MGAT5: variants seen among roughly 807,000 people sequenced by gnomAD.
MGAT5 encodes the protein alpha-1,6-mannosylglycoprotein 6-beta-N-acetylglucosaminyltransferase, also known as alpha-1,6-mannosylglycoprotein 6-beta-N-acetylglucosaminyltransferase A.
In MGAT5, 30 loss-of-function variants were observed where a neutral mutation model predicts 94.3. That is an observed-to-expected ratio of 0.32 (90% CI 0.24 to 0.43). The LOEUF (loss-of-function observed/expected upper bound fraction) is 0.43. Ranked by LOEUF, MGAT5 falls within the 20% of genes least tolerant of loss-of-function variation. The pLI is 1.00. For synonymous variants in MGAT5, 310 were observed against 322.9 expected (o/e 0.96, Z 0.43); for missense variants, 691 against 905.5 (o/e 0.76, Z 3.04).
chr2:134,335,688 T>A (rs1688294848), intron 4 of MGAT5, among the ~76,000 whole-genome samples: 2 of 152,034 alleles, frequency 1.3e-5, no homozygotes, highest in Admixed American at 6.6e-5. Context: ...AGCAAATAGC[T>A]AGAAAATGAG....
chr2:134,163,703 T>C (rs1308113295), intron 1 of MGAT5, among the ~76,000 whole-genome samples: 1 of 152,182 alleles, frequency 6.6e-6, no homozygotes, highest in African/African-American at 2.4e-5. Context: ...TAGAAAATTC[T>C]CCACTTTGGT....
chr2:134,295,734 C>G (rs934751201), intron 2 of MGAT5, among the ~76,000 whole-genome samples: 1 of 152,134 alleles, frequency 6.6e-6, no homozygotes, highest in Non-Finnish European at 1.5e-5. Flanking sequence ...GCTTTGCTAC[C>G]TGACAGGAAT....
Position 134,449,505 on chromosome 2 carries a change from A to G in MGAT5, c.*658A>G, listed in dbSNP as rs1230218492. 1.3e-5 allele frequency: 2 copies of G among 153,250 alleles called. No homozygotes were observed. Among genetic ancestry groups the G allele is most frequent in the African/African-American group, 2.4e-5 (1 of 41,438 alleles). 9.5% of individuals were successfully genotyped at this position (153,250 alleles called of 1,614,324 possible). On this transcript the variant is annotated 3_prime_UTR_variant, in exon 16 of 16. Coordinates refer to ENST00000281923, the MANE Select transcript of MGAT5 (RefSeq NM_002410.5). The stretch of plus-strand genomic sequence containing the variant: ...CAAACTCCCCAGGGCATCGTCATAG[A>G]TGGCACCTAGAGCATGGGCTGCCTC...
intron 2 of MGAT5, among the ~76,000 whole-genome samples, chr2:134,275,028 T>C (rs1465903947): frequency 6.6e-6 from 1 of 152,250 alleles, no homozygotes; most frequent in African/African-American, 2.4e-5. Flanking sequence ...GTGCTGCTAA[T>C]GGACCTTGAA....
intron 10 of MGAT5, among the ~76,000 whole-genome samples, chr2:134,374,375 A>T (rs1449182955): frequency 1.3e-5 from 2 of 152,168 alleles, no homozygotes; most frequent in African/African-American, 4.8e-5. Flanking sequence ...CCATGTCATA[A>T]ACACCTTGAA....
At chr2:134,413,112 G>GT in intron 12 of MGAT5, 97 bp downstream of exon 12, 1 of 1,380,252 alleles carries the variant, frequency 7.2e-7, no homozygotes, top group Non-Finnish European at 1.0e-6. Flanking sequence ...ACATGATTGG[G>GT]TGGGAGGGTG....
intron 1 of MGAT5, among the ~76,000 whole-genome samples, chr2:134,232,363 A>C (rs944262029): frequency 6.6e-6 from 1 of 152,090 alleles, no homozygotes; most frequent in Admixed American, 6.6e-5. Flanking sequence ...GTTCTTACTC[A>C]ACAGGGGAGG....
intron 12 of MGAT5, among the ~76,000 whole-genome samples, chr2:134,417,916 T>C (rs959209635): frequency 6.6e-6 from 1 of 152,212 alleles, no homozygotes; most frequent in African/African-American, 2.4e-5. Context: ...CTCATGATTT[T>C]TTAAATGCAT....
intron 15 of MGAT5, among the ~76,000 whole-genome samples, chr2:134,444,622 C>A (rs1337715381): frequency 6.6e-6 from 1 of 152,242 alleles, no homozygotes; most frequent in Non-Finnish European, 1.5e-5. Context: ...TTCCTGCAAG[C>A]CAGTGCTGCC....
chr2:134,243,387 T>A (rs1361000006), intron 1 of MGAT5, among the ~76,000 whole-genome samples: 2 of 152,170 alleles, frequency 1.3e-5, no homozygotes, highest in African/African-American at 4.8e-5. Flanking sequence ...TGAGCTGGTT[T>A]ATCATTTGTG....
At chr2:134,374,542 A>C (rs1299173143) in intron 10 of MGAT5, among the ~76,000 whole-genome samples, 4 of 152,242 alleles carry the variant, frequency 2.6e-5, no homozygotes, top group Admixed American at 2.6e-4. Flanking sequence ...TGATAAACCA[A>C]CTTAGAAATT....
chr2:134,141,577 A>G (rs1353841259), intron 1 of MGAT5, among the ~76,000 whole-genome samples: 1 of 152,326 alleles, frequency 6.6e-6, no homozygotes. Context: ...CGGGGAGCTT[A>G]CAGCCTAATG....
At chr2:134,216,117 G>T (rs541704564) in intron 1 of MGAT5, among the ~76,000 whole-genome samples, 1 of 152,060 alleles carries the variant, frequency 6.6e-6, no homozygotes, top group East Asian at 1.9e-4. Context: ...TGGTAAAGTC[G>T]GTGTCTTGTA....
chr2:134,326,038 T>TTCTCTCTC (rs61556184), intron 4 of MGAT5, among the ~76,000 whole-genome samples: 29 of 135,542 alleles, frequency 2.1e-4, no homozygotes, highest in Non-Finnish European at 6.2e-5. Context: ...TGATTTCTCT[T>TTCTCTCTC]TCTCTCTCTC....
At chr2:134,371,528 C>G (rs1190138814) in intron 10 of MGAT5, among the ~76,000 whole-genome samples, 4 of 152,198 alleles carry the variant, frequency 2.6e-5, no homozygotes, top group African/African-American at 9.6e-5. Flanking sequence ...GTTGACAGCC[C>G]AGCCCAGATA....
chr2:134,423,117 C>T (rs1202575013), intron 13 of MGAT5, among the ~76,000 whole-genome samples, 198 bp downstream of exon 13: 2 of 152,180 alleles, frequency 1.3e-5, no homozygotes, highest in African/African-American at 2.4e-5. Context: ...GCTGGTATCC[C>T]GATGTGGGCA....
chr2:134,439,766 G>C, intron 14 of MGAT5, among the ~76,000 whole-genome samples: 1 of 152,158 alleles, frequency 6.6e-6, no homozygotes, highest in East Asian at 1.9e-4. Context: ...ATGCCCTCTG[G>C]ATGCAGCTCT....
chr2:134,165,032 T>C (rs1293512425), intron 1 of MGAT5, among the ~76,000 whole-genome samples: 1 of 152,178 alleles, frequency 6.6e-6, no homozygotes, highest in Non-Finnish European at 1.5e-5. Context: ...ACCAGGGCTG[T>C]GTGGTAGAAC....
At chr2:134,352,137 G>A (rs1217781087) in intron 9 of MGAT5, among the ~76,000 whole-genome samples, 3 of 152,244 alleles carry the variant, frequency 2.0e-5, no homozygotes, top group South Asian at 4.1e-4. Flanking sequence ...TGGGGATGGC[G>A]TTTGTCAGGA....
Sources: gnomAD v4.1 joint callset for allele counts (sites outside exome capture counted in the v4.1 genomes callset) on GRCh38, gnomAD v4.1.1 for gene constraint, MANE v1.5 for transcripts, NCBI Gene and HGNC (gene_info 2026-07-23, HGNC 2026-07-21) for gene names.